Variants in HECW2 observed in about 807,000 individuals in gnomAD.
The protein encoded by HECW2 is HECT, C2 and WW domain containing E3 ubiquitin protein ligase 2.
In HECW2, 61 loss-of-function variants were observed where a neutral mutation model predicts 175.2. The observed-to-expected ratio is 0.35, with a 90% CI of 0.28 to 0.43. The LOEUF (loss-of-function observed/expected upper bound fraction) is 0.43. HECW2 is among the 20% of genes least tolerant of loss of function. The pLI, the probability that HECW2 is intolerant of heterozygous loss-of-function variation, is 1.00. For missense variants in HECW2, 1,524 were observed against 2,000.5 expected (o/e 0.76, Z 4.54); for synonymous variants, 671 against 731.0 (o/e 0.92, Z 1.32).
intron 14 of HECW2, among the ~76,000 whole-genome samples, chr2:196,286,385 G>T (rs1690387092): frequency 8.7e-6 from 1 of 115,036 alleles, no homozygotes; most frequent in Non-Finnish European, 2.0e-5. Context: ...TAAGATGGAG[G>T]TCATATATAT....
At chr2:196,391,054 C>A (rs1256388881) in intron 2 of HECW2, among the ~76,000 whole-genome samples, 12 of 152,062 alleles carry the variant, frequency 7.9e-5, no homozygotes, top group Non-Finnish European at 1.5e-4. Context: ...GCTCCACTGA[C>A]CTCAAATTTG....
chr2:196,507,826 C>A (rs1687820124), intron 1 of HECW2, among the ~76,000 whole-genome samples: 1 of 152,218 alleles, frequency 6.6e-6, no homozygotes, highest in Non-Finnish European at 1.5e-5. Flanking sequence ...AGTGGAATGA[C>A]TTTTCCAGCA....
chr2:196,488,085 A>G (rs1687067296), intron 1 of HECW2, among the ~76,000 whole-genome samples: 1 of 152,208 alleles, frequency 6.6e-6, no homozygotes, highest in Admixed American at 6.5e-5. Context: ...GTGTATTCCA[A>G]GATAGGGGAT....
Position 196,278,516 on chromosome 2 carries a change from C to T in HECW2, c.3135+12G>A, listed in dbSNP as rs774892116. On this transcript the variant is annotated intron_variant, in intron 15 of 28. Coordinates refer to ENST00000644978, the MANE Select transcript of HECW2 (RefSeq NM_001348768.2). ...TCAACCAACAGGTCAGTCCCCAAAA[C>T]GCATGACTCACCTCACCCGCACTGT... 29 of 1,612,246 alleles carry T rather than the reference C, an allele frequency of 1.8e-5. 1 individual carries two copies. Among genetic ancestry groups the T allele is most frequent in the African/African-American group, 6.7e-5 (5 of 74,818 alleles).
chr2:196,382,678 G>A (rs1694240868), intron 2 of HECW2, among the ~76,000 whole-genome samples: 1 of 151,980 alleles, frequency 6.6e-6, no homozygotes, highest in South Asian at 2.1e-4. Context: ...GTAGCAATAC[G>A]TGCCCTACTT....
chr2:196,492,909 G>A (rs1284193062), intron 1 of HECW2, among the ~76,000 whole-genome samples: 1 of 152,264 alleles, frequency 6.6e-6, no homozygotes, highest in East Asian at 1.9e-4. Flanking sequence ...AGTTTGTGAT[G>A]TTAGAGAACA....
intron 14 of HECW2, among the ~76,000 whole-genome samples, chr2:196,279,001 C>G (rs1690083578): frequency 6.6e-6 from 1 of 152,104 alleles, no homozygotes; most frequent in Non-Finnish European, 1.5e-5. Flanking sequence ...TGAGCTCTTA[C>G]TGTCATATGT....
intron 1 of HECW2, among the ~76,000 whole-genome samples, chr2:196,494,608 T>C (rs576107926): frequency 6.6e-5 from 10 of 152,242 alleles, no homozygotes; most frequent in Non-Finnish European, 1.3e-4. Flanking sequence ...AGGGAAGGCA[T>C]GACAATTGAG....
intron 2 of HECW2, among the ~76,000 whole-genome samples, chr2:196,344,567 G>A (rs1457802562): frequency 6.6e-6 from 1 of 152,052 alleles, no homozygotes; most frequent in Non-Finnish European, 1.5e-5. Flanking sequence ...CCTGAGGACT[G>A]GGGATTCATA....
intron 17 of HECW2, among the ~76,000 whole-genome samples, chr2:196,268,661 C>A (rs895559051): frequency 6.6e-6 from 1 of 152,108 alleles, no homozygotes; most frequent in Non-Finnish European, 1.5e-5. Context: ...TAATGTGGAA[C>A]GCAGAGAAAA....
rs1420565292 is a variant in HECW2, at chr2:196,195,048, T to C, written c.*6229A>G. ...TGCCTGCATCCCTATTATAAAAACA[T>C]GTAATTTTAAGCACTTTCCAACATA... is the stretch of plus-strand genomic sequence containing the variant. On this transcript the variant is annotated 3_prime_UTR_variant, in exon 29 of 29. Coordinates refer to ENST00000644978, the MANE Select transcript of HECW2 (RefSeq NM_001348768.2). 1 of 152,214 alleles carries C rather than the reference T, an allele frequency of 6.6e-6. No individual in the cohort carries two copies. Among genetic ancestry groups the C allele is most frequent in the South Asian group, 2.1e-4 (1 of 4,834 alleles). The allele number at this position is 152,214 out of a possible 1,614,324, so 9.4% of individuals were successfully genotyped here.
At chr2:196,339,750 A>G (rs554727515) in intron 3 of HECW2, among the ~76,000 whole-genome samples, 4 of 152,362 alleles carry the variant, frequency 2.6e-5, no homozygotes, top group African/African-American at 9.6e-5. Context: ...AAACTCACAA[A>G]TGCATACTGC....
At chr2:196,317,463 A>G in intron 9 of HECW2, 94 bp from the exon 10 acceptor site, 1 of 901,132 alleles carries the variant, frequency 1.1e-6, no homozygotes, top group South Asian at 1.5e-5. Context: ...TCCCAAGGCT[A>G]GTTTCTTTTC....
intron 1 of HECW2, among the ~76,000 whole-genome samples, chr2:196,489,271 G>C (rs1262517064): frequency 6.6e-6 from 1 of 152,248 alleles, no homozygotes; most frequent in East Asian, 1.9e-4. Context: ...CTGTGAGGAG[G>C]TTTTTCAAGG....
chr2:196,558,241 C>A (rs1689875240), intron 1 of HECW2, among the ~76,000 whole-genome samples: 1 of 152,150 alleles, frequency 6.6e-6, no homozygotes, highest in Non-Finnish European at 1.5e-5. Context: ...TCAGAGCTTT[C>A]AAACTCAGAT....
At chr2:196,507,163 A>C (rs1490894697) in intron 1 of HECW2, among the ~76,000 whole-genome samples, 1 of 27,994 alleles carries the variant, frequency 3.6e-5, no homozygotes, top group Non-Finnish European at 7.4e-5. Flanking sequence ...TTATACACAC[A>C]CTATGTGTAT....
intron 2 of HECW2, among the ~76,000 whole-genome samples, chr2:196,432,784 T>C (rs1019211013): frequency 2.0e-5 from 3 of 152,202 alleles, no homozygotes; most frequent in African/African-American, 7.2e-5. Flanking sequence ...TGTTAGTAAA[T>C]GTTAATAGAT....
At chr2:196,472,351 G>A (rs1202972482) in intron 1 of HECW2, among the ~76,000 whole-genome samples, 2 of 151,216 alleles carry the variant, frequency 1.3e-5, no homozygotes, top group East Asian at 3.9e-4. Context: ...GGTGGTCAGG[G>A]GCGGGGGGCG....
intron 2 of HECW2, among the ~76,000 whole-genome samples, chr2:196,375,843 C>T (rs1438630204): frequency 1.3e-5 from 2 of 152,264 alleles, no homozygotes; most frequent in East Asian, 1.9e-4. Context: ...ATGAATGACA[C>T]TTGTTCTATA....
Sources: allele counts gnomAD v4.1 joint callset (sites outside exome capture counted in the v4.1 genomes callset), GRCh38; gene constraint gnomAD v4.1.1; transcripts MANE v1.5; gene names NCBI Gene and HGNC (gene_info 2026-07-23, HGNC 2026-07-21).